Variants in CRYZL1 observed in about 807,000 individuals in gnomAD.
The protein encoded by CRYZL1 is ferry endosomal RAB5 effector complex subunit 4.
A neutral mutation model predicts 50.6 loss-of-function variants in CRYZL1; 34 were observed. The ratio of observed to expected loss-of-function variants is 0.67; its 90% CI spans 0.51 to 0.89. The LOEUF (loss-of-function observed/expected upper bound fraction) is 0.89, where lower values mean the gene tolerates loss of function less well. Ranked by LOEUF, CRYZL1 falls within the 40% of genes least tolerant of loss-of-function variation. The pLI, the probability that CRYZL1 is intolerant of heterozygous loss-of-function variation, is 0.00. For synonymous variants in CRYZL1, 125 were observed against 134.3 expected, an observed-to-expected ratio of 0.93 and a Z score of 0.48; for missense variants, 354 against 402.3, an observed-to-expected ratio of 0.88 and a Z score of 1.03.
In CRYZL1 at chr21:33,600,598, G is replaced by A. The variant is rs183495108; in HGVS notation, c.578-1350C>T. Among the ~76,000 whole-genome samples, 71 of 150,922 alleles carry A rather than the reference G, an allele frequency of 4.7e-4. 1 individual carries two copies. The highest frequency in any genetic ancestry group is 1.7e-3 in the African/African-American group (69 of 41,160). On this transcript the variant is annotated intron_variant, in intron 8 of 12. Transcript: ENST00000381554. Reference sequence around the variant, plus strand: ...TTAACAAATAAGAAATTTTCCCTTCGTTCATGTTCTTTTTTTTAATACCAT... The same window carrying A: ...TTAACAAATAAGAAATTTTCCCTTCATTCATGTTCTTTTTTTTAATACCAT...
At chr21:33,602,465 A>G (rs891507197) in intron 7 of CRYZL1, 120 bp from the exon 8 acceptor site, 30 of 451,012 alleles carry the variant, frequency 6.7e-5, no homozygotes, top group Middle Eastern at 5.6e-4. Context: ...ATATTTTAAA[A>G]TGTTATCTAA....
At chr21:33,622,720 G>A (rs529557452) in intron 3 of CRYZL1, among the ~76,000 whole-genome samples, 17 of 152,212 alleles carry the variant, frequency 1.1e-4, no homozygotes, top group South Asian at 2.1e-4. Flanking sequence ...CTTTAAGCCC[G>A]TGGTTTAAGC....
At chr21:33,605,869 TCA>T (rs1467212321) in intron 6 of CRYZL1, among the ~76,000 whole-genome samples, 14 of 152,072 alleles carry the variant, frequency 9.2e-5, no homozygotes, top group Admixed American at 9.2e-4. Flanking sequence ...TATAACACTT[TCA>T]CAGTCTTTAC....
intron 2 of CRYZL1, among the ~76,000 whole-genome samples, chr21:33,630,312 G>A (rs772299976): frequency 3.9e-5 from 6 of 152,272 alleles, no homozygotes; most frequent in South Asian, 2.1e-4. Context: ...CAGGCTGGGC[G>A]CAGTGGCTCA....
intron 6 of CRYZL1, among the ~76,000 whole-genome samples, chr21:33,607,712 A>T (rs2086827964): frequency 6.6e-6 from 1 of 152,224 alleles, no homozygotes; most frequent in African/African-American, 2.4e-5. Context: ...AAAAATCACC[A>T]GGAAAGTAAT....
At chr21:33,626,807 C>T (rs1322363948) in intron 2 of CRYZL1, among the ~76,000 whole-genome samples, 4 of 151,982 alleles carry the variant, frequency 2.6e-5, no homozygotes, top group Non-Finnish European at 5.9e-5. Flanking sequence ...CTCATCTAAA[C>T]AACTGAACCT....
chr21:33,638,210 C>CT (rs569863892), intron 1 of CRYZL1, among the ~76,000 whole-genome samples: 6,347 of 126,750 alleles, frequency 0.05, 596 homozygotes, highest in African/African-American at 0.16. Flanking sequence ...GTCAGGTCTG[C>CT]TTTTTTTTTT....
chr21:33,596,958 G>A (rs1351330965), intron 10 of CRYZL1, among the ~76,000 whole-genome samples: 1 of 151,684 alleles, frequency 6.6e-6, no homozygotes, highest in Non-Finnish European at 1.5e-5. Context: ...CGCTTCCCAG[G>A]TTCAAGTAAT....
chr21:33,598,229 C>G (rs2086715501), intron 9 of CRYZL1, among the ~76,000 whole-genome samples: 1 of 152,130 alleles, frequency 6.6e-6, no homozygotes, highest in Non-Finnish European at 1.5e-5. Flanking sequence ...AACATAATTA[C>G]TGAAATGTCC....
At chr21:33,595,447 G>A (rs915478417) in intron 11 of CRYZL1, 12 of 1,370,566 alleles carry the variant, frequency 8.8e-6, no homozygotes, top group Non-Finnish European at 1.2e-5. Flanking sequence ...AAAGGAGAGA[G>A]ACTGCCTGAG....
intron 4 of CRYZL1, among the ~76,000 whole-genome samples, chr21:33,618,419 A>C (rs2086960158): frequency 6.6e-6 from 1 of 152,218 alleles, no homozygotes; most frequent in South Asian, 2.1e-4. Context: ...GGGGAGGAAA[A>C]AACTCCAAAT....
chr21:33,598,782 T>C (rs917533041), intron 9 of CRYZL1, among the ~76,000 whole-genome samples: 2 of 151,694 alleles, frequency 1.3e-5, no homozygotes, highest in African/African-American at 2.4e-5. Flanking sequence ...GTAACTTTCT[T>C]AAAACATTAT....
At chr21:33,595,483 G>T in intron 11 of CRYZL1, 2 of 1,325,802 alleles carry the variant, frequency 1.5e-6, no homozygotes, top group Non-Finnish European at 2.0e-6. Flanking sequence ...GCCACTTGCT[G>T]CGTCCTTGAG....
chr21:33,591,391 TGA>T, intron 11 of CRYZL1, 184 bp from the exon 12 acceptor site: 1 of 604,004 alleles, frequency 1.7e-6, no homozygotes, highest in South Asian at 2.0e-5. Flanking sequence ...GGAAATGATT[TGA>T]GAGTTGGTGG....
chr21:33,616,800 A>C, intron 4 of CRYZL1, 50 bp from the exon 5 acceptor site: 1 of 1,386,690 alleles, frequency 7.2e-7, no homozygotes, highest in Non-Finnish European at 9.8e-7. Flanking sequence ...TATTAAATAT[A>C]ATTCTTATCT....
chr21:33,631,465 T>C lies in CRYZL1; in HGVS notation c.66+21A>G, dbSNP rs375567600. On this transcript the variant is annotated intron_variant, in intron 2 of 12. Coordinates refer to ENST00000381554, the MANE Select transcript of CRYZL1 (RefSeq NM_145858.3). ...GATAAAAATACACTAACTACTTTAA[T>C]GATTAAACATTTTTTCTTACCTTTT... is the stretch of plus-strand genomic sequence containing the variant. 105 of 1,475,046 alleles carry C rather than the reference T, an allele frequency of 7.1e-5. 1 individual carries two copies. In the African/African-American group the frequency reaches 1.2e-3, roughly 16 times the overall value. 91.4% of individuals were successfully genotyped at this position (1,475,046 alleles called of 1,614,324 possible).
intron 8 of CRYZL1, among the ~76,000 whole-genome samples, chr21:33,601,834 C>G (rs948559585): frequency 2.6e-5 from 4 of 151,418 alleles, no homozygotes; most frequent in African/African-American, 9.7e-5. Flanking sequence ...GGAGGATCAC[C>G]TGACCCTGGG....
intron 8 of CRYZL1, among the ~76,000 whole-genome samples, chr21:33,600,657 G>A (rs1164358112): frequency 4.8e-5 from 7 of 145,990 alleles, no homozygotes; most frequent in Admixed American, 6.9e-5. Context: ...ATGGAGTCTC[G>A]CTCTGTCACC....
chr21:33,625,703 C>G (rs1197548224), intron 2 of CRYZL1, among the ~76,000 whole-genome samples: 1 of 151,936 alleles, frequency 6.6e-6, no homozygotes, highest in Non-Finnish European at 1.5e-5. Flanking sequence ...AGGCTGGTCT[C>G]TAAGTCCTGG....
Sources: gnomAD v4.1 joint callset for allele counts (sites outside exome capture counted in the v4.1 genomes callset) on GRCh38, gnomAD v4.1.1 for gene constraint, MANE v1.5 for transcripts, NCBI Gene and HGNC (gene_info 2026-07-23, HGNC 2026-07-21) for gene names.